The following KASH5 variants were observed in gnomAD, a reference collection of about 807,000 sequenced individuals.
KASH5 encodes the protein protein KASH5.
In KASH5, 72 loss-of-function variants were observed where a neutral mutation model predicts 84.2. That is an observed-to-expected ratio of 0.85 (90% CI 0.71 to 1.04). The LOEUF (loss-of-function observed/expected upper bound fraction) is 1.04. Among genes scored for constraint, KASH5 ranks in the 50% least tolerant of loss-of-function variants. KASH5 has a pLI of 0.00. For synonymous variants in KASH5, 260 were observed against 279.1 expected, an observed-to-expected ratio of 0.93 and a Z score of 0.68; for missense variants, 650 against 701.0, an observed-to-expected ratio of 0.93 and a Z score of 0.82.
At chr19:49,393,473 C>CTCAGTGAGGTG (rs1974069049) in intron 2 of KASH5, 2 of 152,316 alleles carry the variant, frequency 1.3e-5, no homozygotes, top group Non-Finnish European at 2.9e-5. Context: ...TCTACCCCGT[C>CTCAGTGAGGTG]CTGCAGCCTG....
At chr19:49,394,338 T>C in intron 2 of KASH5, 138 bp from the exon 3 acceptor site, 1 of 631,298 alleles carries the variant, frequency 1.6e-6, no homozygotes, top group Non-Finnish European at 2.8e-6. Flanking sequence ...CTTCCTGCTG[T>C]TCCCCACCCG....
At position 49,407,620 on chromosome 19, in the gene KASH5, C is replaced by T. The variant is rs372283431; in HGVS notation, c.942C>T (p.Arg314=). The part of the protein sequence containing the change: ...QRDTILSERT[R]DVESLAQTLE... ...GCTTTCGGCTTTCCTAGCGCACTCG[C>T]GATGTGGAGAGCCTGGCCCAGACCC... The change falls in exon 12 of 20, where the codon CGC becomes CGT. Residue 314 remains arginine, a synonymous_variant. Coordinates refer to ENST00000447857, the MANE Select transcript of KASH5 (RefSeq NM_144688.5). The T allele has an allele frequency of 8.6e-5, 138 of 1,597,740 alleles. No individual in the cohort carries two copies. Among genetic ancestry groups the T allele is most frequent in the South Asian group, 1.8e-4 (16 of 88,034 alleles).
intron 5 of KASH5, among the ~76,000 whole-genome samples, chr19:49,396,242 A>ATTTTTTTG (rs1568611428): frequency 8.1e-6 from 1 of 122,904 alleles, no homozygotes; most frequent in Non-Finnish European, 1.7e-5. Context: ...ACCCTGCTGG[A>ATTTTTTTG]CTTTTTTTTT....
intron 9 of KASH5, among the ~76,000 whole-genome samples, chr19:49,402,049 C>T (rs1318820269): frequency 2.0e-5 from 3 of 151,116 alleles, no homozygotes; most frequent in Non-Finnish European, 4.4e-5. Context: ...CGAGACCAGC[C>T]TGGCCAACAC....
Position 49,390,829 on chromosome 19 carries a change from T to G in KASH5, c.-55T>G, listed in dbSNP as rs2146837481. The G allele has an allele frequency of 3.9e-6, 6 of 1,538,624 alleles. No individual in the cohort carries two copies. Among genetic ancestry groups the G allele is most frequent in the African/African-American group, 1.4e-5 (1 of 71,440 alleles). On this transcript the variant is annotated 5_prime_UTR_variant, in exon 2 of 20. An upstream start codon of the reference 5' UTR is lost. Coordinates refer to ENST00000447857, the MANE Select transcript of KASH5 (RefSeq NM_144688.5). ...CTGGTCCTTTTCCCATCCCTCCCCATGAAGGAGGGAGGCTGGTAGCTTTGC... is the reference window on the plus strand; with the variant it reads ...CTGGTCCTTTTCCCATCCCTCCCCAGGAAGGAGGGAGGCTGGTAGCTTTGC...
intron 17 of KASH5, 80 bp downstream of exon 17, chr19:49,415,076 G>A (rs1974859175): frequency 7.3e-7 from 1 of 1,368,088 alleles, no homozygotes; most frequent in Non-Finnish European, 1.0e-6. Context: ...CTCTTCCCAA[G>A]CCCCAGCCTC....
chr19:49,402,681 TGGGTGACAG>T (rs1974399887), intron 9 of KASH5, among the ~76,000 whole-genome samples: 1 of 152,132 alleles, frequency 6.6e-6, no homozygotes, highest in Admixed American at 6.5e-5. Context: ...CATTCTAGCC[TGGGTGACAG>T]AGCGAGACTC....
In KASH5 at chr19:49,395,561, C is replaced by A; in HGVS notation, c.336-208C>A. The A allele has an allele frequency of 1.6e-6, 1 of 631,998 alleles. No homozygotes were observed. Among genetic ancestry groups the A allele is most frequent in the Non-Finnish European group, 2.8e-6 (1 of 362,232 alleles). The allele number at this position is 631,998 out of a possible 1,614,324, so 39.1% of individuals were successfully genotyped here. On this transcript the variant is annotated intron_variant, in intron 4 of 19. Coordinates refer to ENST00000447857, the MANE Select transcript of KASH5 (RefSeq NM_144688.5). The surrounding 1 kb of genome is among the most constrained non-coding windows in gnomAD (Gnocchi z 4.4). ...GAGTTTGGGGCTGACAGAGGTCCCT[C>A]CCCAACCCTTCACCAAACCCACTCC...
At position 49,407,319 on chromosome 19, in the gene KASH5, G is replaced by A. The variant is rs572388108; in HGVS notation, c.933+23G>A. Reference sequence around the variant, plus strand: ...GAGGTAAGGGGCCCCGGGAGGGAAAGAGATTCGCTTTCCATGTGCACCAGC... The same window carrying A: ...GAGGTAAGGGGCCCCGGGAGGGAAAAAGATTCGCTTTCCATGTGCACCAGC... On this transcript the variant is annotated intron_variant, in intron 11 of 19. Transcript: ENST00000447857. The A allele has an allele frequency of 5.0e-6, 8 of 1,612,756 alleles. No individual in the cohort carries two copies. The Admixed American group carries it at 1.3e-4, about 27-fold the overall frequency.
In KASH5 at chr19:49,416,936, A is replaced by G. The variant is rs1974923353; in HGVS notation, c.1375-79A>G. 1.4e-6 allele frequency: 2 copies of G among 1,390,764 alleles called. No homozygotes were observed. The highest frequency in any genetic ancestry group is 2.0e-6 in the Non-Finnish European group (2 of 1,002,920). The allele number at this position is 1,390,764 out of a possible 1,614,324, so 86.2% of individuals were successfully genotyped here. On this transcript the variant is annotated intron_variant, in intron 17 of 19. Transcript: ENST00000447857. The surrounding 1 kb of genome is among the most constrained non-coding windows in gnomAD (Gnocchi z 5.4). ...GAGCTCCACCACTTTCTATGTGGCC[A>G]CTTGTGTCCAGTGGGCTGACCTGAG... is the stretch of plus-strand genomic sequence containing the variant.
chr19:49,404,248 G>C (rs11880696), intron 9 of KASH5, among the ~76,000 whole-genome samples: 5,227 of 152,258 alleles, frequency 0.034, 283 homozygotes, highest in African/African-American at 0.12. Flanking sequence ...AGTGCCAAGA[G>C]GAGGGGCGTG....
rs1313386599 is a variant in KASH5, at chr19:49,417,225, GAGGGCCTGGGGC to G, written c.1507_1518del (p.Arg503_Gly506del). 6.2e-7 allele frequency: 1 copy of G among 1,613,684 alleles called. No homozygotes were observed. Among genetic ancestry groups the G allele is most frequent in the African/African-American group, 1.3e-5 (1 of 74,926 alleles). On this transcript the variant is annotated inframe_deletion, in exon 19 of 20. Coordinates refer to ENST00000447857, the MANE Select transcript of KASH5 (RefSeq NM_144688.5). The surrounding 1 kb of genome is among the most constrained non-coding windows in gnomAD (Gnocchi z 5.2). ...TGAAAAAGCTGGTCCCAGTCAGGAG[GAGGGCCTGGGGC>G]CAGCTCTGCCTGCCCCCACAGCGGC...
rs1230458334 is a variant in KASH5, at chr19:49,399,478, G to T, written c.769G>T (p.Val257Leu). 6.2e-7 allele frequency: 1 copy of T among 1,611,614 alleles called. No homozygotes were observed. Among genetic ancestry groups the T allele is most frequent in the Non-Finnish European group, 8.5e-7 (1 of 1,179,060 alleles). Residue 257 changes from valine to leucine, a missense_variant, in exon 9 of 20, where the codon GTG becomes TTG. By Grantham distance (32) the Val-to-Leu change is conservative. Transcript: ENST00000447857. The surrounding 1 kb of genome is among the most constrained non-coding windows in gnomAD (Gnocchi z 4.4). ...RQAEKEQQHL[V>L]AEMETLQEEN... ...TCAGGAAAAGGAGCAGCAGCATCTG[G>T]TGGCTGAGATGGAGACTCTGCAGGA... is the stretch of plus-strand genomic sequence containing the variant.
In KASH5 at chr19:49,399,447, G is replaced by A. The variant is rs753088981; in HGVS notation, c.748-10G>A. ...AATGAAACCTTTGTCCTCTCTCTGG[G>A]GTTGGTCAGGAAAAGGAGCAGCAGC... On this transcript the variant is annotated splice_polypyrimidine_tract_variant and intron_variant, in intron 8 of 19. Coordinates refer to ENST00000447857, the MANE Select transcript of KASH5 (RefSeq NM_144688.5). The surrounding 1 kb of genome is among the most constrained non-coding windows in gnomAD (Gnocchi z 4.4). 3.7e-6 allele frequency: 6 copies of A among 1,609,814 alleles called. No homozygotes were observed. The highest frequency in any genetic ancestry group is 5.1e-6 in the Non-Finnish European group (6 of 1,178,146).
chr19:49,397,546 C>A, intron 5 of KASH5, 105 bp from the exon 6 acceptor site: 1 of 969,346 alleles, frequency 1.0e-6, no homozygotes, highest in Non-Finnish European at 1.6e-6. Flanking sequence ...TTCTCCAGAG[C>A]ACAGGTGAGG....
At chr19:49,404,563 C>T (rs1429112441) in intron 9 of KASH5, among the ~76,000 whole-genome samples, 6 of 152,166 alleles carry the variant, frequency 3.9e-5, no homozygotes, top group Non-Finnish European at 8.8e-5. Context: ...CATTGTTACC[C>T]GCTTCTGCAT....
intron 9 of KASH5, among the ~76,000 whole-genome samples, chr19:49,402,036 G>A (rs1303840735): frequency 6.6e-6 from 1 of 151,900 alleles, no homozygotes. Context: ...GAGATCAGGA[G>A]TTCGAGACCA....
chr19:49,409,627 C>A, intron 14 of KASH5, 126 bp from the exon 15 acceptor site: 7 of 1,236,568 alleles, frequency 5.7e-6, no homozygotes, highest in Non-Finnish European at 8.1e-6. Context: ...CAACCCCAGC[C>A]CCACACCAGC....
Position 49,407,285 on chromosome 19 carries a change from A to T in KASH5, c.922A>T (p.Ile308Phe), listed in dbSNP as rs374609604. Residue 308 changes from isoleucine (I) to phenylalanine (F), a missense_variant, in exon 11 of 20, where the codon ATC (isoleucine) becomes TTC (phenylalanine). Coordinates refer to ENST00000447857, the MANE Select transcript of KASH5 (RefSeq NM_144688.5). ...ACACCTCATTTGCCAAAGAGACACCATCCTCTCTGAGGTAAGGGGCCCCGG... is the reference window on the plus strand; with the variant it reads ...ACACCTCATTTGCCAAAGAGACACCTTCCTCTCTGAGGTAAGGGGCCCCGG... ...CEHLICQRDTILSERTRDVES... is the reference protein window; with the variant it reads ...CEHLICQRDTFLSERTRDVES... 3.1e-6 allele frequency: 5 copies of T among 1,613,750 alleles called. No homozygotes were observed. In the African/African-American group the frequency reaches 5.3e-5, roughly 17 times the overall value.
Sources: allele counts gnomAD v4.1 joint callset (sites outside exome capture counted in the v4.1 genomes callset), GRCh38; gene constraint gnomAD v4.1.1; non-coding constraint Gnocchi (gnomAD v3.1); transcripts MANE v1.5; gene names NCBI Gene and HGNC (gene_info 2026-07-23, HGNC 2026-07-21).